ANGPT2: variants seen among roughly 807,000 people sequenced by gnomAD.
ANGPT2 encodes the protein angiopoietin-2.
ANGPT2 carries 28 observed loss-of-function variants against 62.9 expected under a neutral mutation model. The observed-to-expected ratio is 0.44, with a 90% CI of 0.33 to 0.61. The LOEUF (loss-of-function observed/expected upper bound fraction) is 0.61. Ranked by LOEUF, ANGPT2 falls within the 20% of genes least tolerant of loss-of-function variation. The probability of loss-of-function intolerance (pLI) is 0.03; values close to 1 mark genes in which losing one functional copy is unlikely to be tolerated. For synonymous variants in ANGPT2, 284 were observed against 207.8 expected, an observed-to-expected ratio of 1.37 and a Z score of -3.15; for missense variants, 727 against 594.9, an observed-to-expected ratio of 1.22 and a Z score of -2.31.
rs115489082 is a variant in ANGPT2, at chr8:6,510,232, G to C, written c.1197-1170C>G. Among the ~76,000 whole-genome samples the C allele has an allele frequency of 6.9e-3, 1,045 of 151,728 alleles. 12 individuals carry two copies. The highest frequency in any genetic ancestry group is 0.024 in the African/African-American group (993 of 41,316). Reference sequence around the variant, plus strand: ...AAGAAGCTTCTTGGCAGATGGTTCAGGACAGATCAGAGCAGGCATTCACGT... The same window carrying C: ...AAGAAGCTTCTTGGCAGATGGTTCACGACAGATCAGAGCAGGCATTCACGT... On this transcript the variant is annotated intron_variant, in intron 7 of 8. Coordinates refer to ENST00000629816, the MANE Select transcript of ANGPT2 (RefSeq NM_001118887.2).
chr8:6,529,816 A>T (rs573444449), intron 2 of ANGPT2, among the ~76,000 whole-genome samples: 3 of 151,466 alleles, frequency 2.0e-5, no homozygotes, highest in Non-Finnish European at 4.4e-5. Flanking sequence ...AAAACTGCTT[A>T]CTTTCCATCT....
intron 1 of ANGPT2, among the ~76,000 whole-genome samples, chr8:6,554,350 G>T (rs1824210898): frequency 6.6e-6 from 1 of 151,516 alleles, no homozygotes; most frequent in Admixed American, 6.6e-5. Flanking sequence ...TTCCTTTTAA[G>T]ACTTTGTTCA....
rs900591745 is a variant in ANGPT2, at chr8:6,521,164, A to G, written c.799+14T>C. On this transcript the variant is annotated intron_variant, in intron 4 of 8. Transcript: ENST00000629816. Reference sequence around the variant, plus strand: ...GGTTATTAACGCTGAAGAAAGCATGATATGTAAACTTACAGTTTGATGTGG... The same window carrying G: ...GGTTATTAACGCTGAAGAAAGCATGGTATGTAAACTTACAGTTTGATGTGG... 4 of 1,601,970 alleles carry G rather than the reference A, an allele frequency of 2.5e-6. No homozygotes were observed. In the East Asian group the frequency reaches 8.9e-5, roughly 36 times the overall value.
rs540758009 is a variant in ANGPT2, at chr8:6,510,901, G to A, written c.1197-1839C>T. 3.3e-5 allele frequency among the ~76,000 whole-genome samples: 5 copies of A among 152,334 alleles called. No individual in the cohort carries two copies. In the South Asian group the frequency reaches 8.3e-4, roughly 25 times the overall value. Reference sequence around the variant, plus strand: ...CAGTATTTTCCCACATGTTTCAAAAGTGAGACTGGCCGTAGCTCAGTCTCT... The same window carrying A: ...CAGTATTTTCCCACATGTTTCAAAAATGAGACTGGCCGTAGCTCAGTCTCT... On this transcript the variant is annotated intron_variant, in intron 7 of 8. Transcript: ENST00000629816.
chr8:6,544,274 T>A (rs778685293), intron 1 of ANGPT2, among the ~76,000 whole-genome samples: 1 of 152,240 alleles, frequency 6.6e-6, no homozygotes, highest in African/African-American at 2.4e-5. Flanking sequence ...AAACACGTTC[T>A]ACTTCTGTCT....
intron 8 of ANGPT2, among the ~76,000 whole-genome samples, chr8:6,505,708 C>T (rs117061773): frequency 0.041 from 5,236 of 126,946 alleles, 200 homozygotes; most frequent in Non-Finnish European, 0.061. Flanking sequence ...TTCTTTATTA[C>T]GTATATATAT....
At chr8:6,514,214 G>C (rs1340943567) in intron 6 of ANGPT2, among the ~76,000 whole-genome samples, 1 of 152,194 alleles carries the variant, frequency 6.6e-6, no homozygotes, top group Non-Finnish European at 1.5e-5. Context: ...GTTTATTTGA[G>C]AGTCTTACTC....
rs1815901694 is a variant in ANGPT2 at position 6,514,719 on chromosome 8, A to G, written c.987T>C (p.Asp329=). ...GGWTIIQRRE[D]GSVDFQRTWK... ...AAGTCCTCTGAAAATCAACGCTGCC[A>G]TCCTCACGTCGCTGAATAATTGTCC... The change falls in exon 6 of 9, where the codon GAT becomes GAC. Residue 329 remains aspartate, a synonymous_variant. Transcript: ENST00000629816. 4 of 1,613,994 alleles carry G rather than the reference A, an allele frequency of 2.5e-6. No individual in the cohort carries two copies. The highest frequency in any genetic ancestry group is 1.7e-5 in the Admixed American group (1 of 59,996).
intron 1 of ANGPT2, among the ~76,000 whole-genome samples, chr8:6,534,710 G>C (rs1820186350): frequency 6.6e-6 from 1 of 152,122 alleles, no homozygotes; most frequent in African/African-American, 2.4e-5. Flanking sequence ...TCTATTATAG[G>C]CTTCATAAAA....
chr8:6,551,972 A>G (rs1256548385), intron 1 of ANGPT2, among the ~76,000 whole-genome samples: 15 of 152,336 alleles, frequency 9.8e-5, no homozygotes, highest in African/African-American at 2.9e-4. Context: ...TACTTCAACT[A>G]TCTTCAGACT....
chr8:6,545,263 C>G (rs1822366174), intron 1 of ANGPT2, among the ~76,000 whole-genome samples: 1 of 152,178 alleles, frequency 6.6e-6, no homozygotes, highest in Non-Finnish European at 1.5e-5. Flanking sequence ...GACCTCGGTG[C>G]TGGTTACATG....
chr8:6,503,529 A>C (rs1812625350), intron 8 of ANGPT2, among the ~76,000 whole-genome samples: 1 of 152,182 alleles, frequency 6.6e-6, no homozygotes, highest in Non-Finnish European at 1.5e-5. Flanking sequence ...AATTCTCCAC[A>C]GTCCTATTTG....
intron 3 of ANGPT2, among the ~76,000 whole-genome samples, chr8:6,526,257 T>TAAAAAAAAAA (rs35519559): frequency 2.6e-5 from 2 of 77,464 alleles, no homozygotes; most frequent in African/African-American, 8.5e-5. Context: ...TTGCCTCTAC[T>TAAAAAAAAAA]AAAAAAAAAA....
intron 3 of ANGPT2, among the ~76,000 whole-genome samples, chr8:6,524,928 C>T (rs555955165): frequency 6.6e-6 from 1 of 152,356 alleles, no homozygotes; most frequent in East Asian, 1.9e-4. Context: ...CTGCACATGG[C>T]TTCCTGTGTC....
chr8:6,562,567 TTTTTG>T, intron 1 of ANGPT2, 75 bp downstream of exon 1: 2 of 296,434 alleles, frequency 6.7e-6, no homozygotes, highest in East Asian at 5.4e-5. Context: ...TTTTTTTTTT[TTTTTG>T]GTTGTTAAAA....
Position 6,500,069 on chromosome 8 carries a change from C to A in ANGPT2, c.*3032G>T. On this transcript the variant is annotated 3_prime_UTR_variant, in exon 9 of 9. Coordinates refer to ENST00000629816, the MANE Select transcript of ANGPT2 (RefSeq NM_001118887.2). ...TTAAAAAGACATTCACAGAACTTAA[C>A]ACCTTTTATCAATTTATTCGCGAGA... The A allele has an allele frequency of 1.4e-6, 1 of 723,018 alleles. No individual in the cohort carries two copies. The highest frequency in any genetic ancestry group is 2.5e-6 in the Non-Finnish European group (1 of 407,040). The allele number at this position is 723,018 out of a possible 1,614,324, so 44.8% of individuals were successfully genotyped here.
Position 6,521,404 on chromosome 8 carries a change from T to A in ANGPT2, c.573A>T (p.Leu191=). The change falls in exon 4 of 9, where the codon CTA becomes CTT. Residue 191 remains leucine (L), a synonymous_variant. Transcript: ENST00000629816. ...INKLQDKNSF[L]EKKVLAMEDK... The stretch of plus-strand genomic sequence containing the variant: ...CTTCCATAGCTAGCACCTTCTTTTC[T>A]AGGAAACTTGTAAGGAAAAGAATTG... 1 of 1,607,652 alleles carries A rather than the reference T, an allele frequency of 6.2e-7. No homozygotes were observed. The highest frequency in any genetic ancestry group is 8.5e-7 in the Non-Finnish European group (1 of 1,177,292).
rs972805952 is a variant in ANGPT2, at chr8:6,500,892, T to C, written c.*2209A>G. ...TTTTATCACCTGCCTACAAAGAGAA[T>C]TGATATAAATTGTGTTGTTGCCAGT... is the stretch of plus-strand genomic sequence containing the variant. On this transcript the variant is annotated 3_prime_UTR_variant, in exon 9 of 9. Coordinates refer to ENST00000629816, the MANE Select transcript of ANGPT2 (RefSeq NM_001118887.2). The C allele has an allele frequency of 7.2e-5, 11 of 152,156 alleles. No homozygotes were observed. The highest frequency in any genetic ancestry group is 7.2e-4 in the Admixed American group (11 of 15,272). 9.4% of individuals were successfully genotyped at this position (152,156 alleles called of 1,614,324 possible). A position where few individuals can be genotyped will look rare whatever the true frequency, so the allele number is the denominator to read the frequency against.
At chr8:6,558,076 T>C (rs1563124738) in intron 1 of ANGPT2, among the ~76,000 whole-genome samples, 1 of 152,230 alleles carries the variant, frequency 6.6e-6, no homozygotes, top group East Asian at 1.9e-4. Flanking sequence ...TTTTGCTCTT[T>C]GTTCCTAAGT....
Sources: allele counts gnomAD v4.1 joint callset (sites outside exome capture counted in the v4.1 genomes callset), GRCh38; gene constraint gnomAD v4.1.1; transcripts MANE v1.5; gene names NCBI Gene and HGNC (gene_info 2026-07-23, HGNC 2026-07-21).